Variants in MAGI1 observed in about 807,000 individuals in gnomAD.
MAGI1 encodes the protein membrane associated guanylate kinase, WW and PDZ domain containing 1.
Under a neutral mutation model 139.9 loss-of-function variants are expected in MAGI1, and 58 were observed. That is an observed-to-expected ratio of 0.41 (90% CI 0.34 to 0.52). The LOEUF (loss-of-function observed/expected upper bound fraction) is 0.52, where lower values mean the gene tolerates loss of function less well. MAGI1 is among the 20% of genes least tolerant of loss of function. MAGI1 has a pLI of 0.12. For missense variants in MAGI1, 1,874 were observed against 1,901.6 expected (o/e 0.99, Z 0.27); for synonymous variants, 812 against 737.9 (o/e 1.10, Z -1.63).
chr3:65,575,779 G>A (rs551120417), intron 2 of MAGI1, among the ~76,000 whole-genome samples: 5 of 152,194 alleles, frequency 3.3e-5, no homozygotes, highest in African/African-American at 9.6e-5. Context: ...ATTATGCTAC[G>A]AATGAAGTCA....
intron 1 of MAGI1, among the ~76,000 whole-genome samples, chr3:65,721,385 A>G (rs2033002930): frequency 6.6e-6 from 1 of 152,202 alleles, no homozygotes; most frequent in African/African-American, 2.4e-5. Context: ...ATTTGAGAGT[A>G]AAAGGGGTGC....
chr3:65,399,661 C>T (rs1290833297), intron 13 of MAGI1, among the ~76,000 whole-genome samples: 1 of 152,106 alleles, frequency 6.6e-6, no homozygotes, highest in Non-Finnish European at 1.5e-5. Flanking sequence ...GAATGCAGCC[C>T]AAGTAATTGG....
chr3:65,506,885 A>C (rs1306870369), intron 2 of MAGI1, among the ~76,000 whole-genome samples: 1 of 152,230 alleles, frequency 6.6e-6, no homozygotes, highest in Non-Finnish European at 1.5e-5. Flanking sequence ...CAGATAAAAG[A>C]AAAAAGGAGT....
At chr3:65,771,293 A>T (rs2037935138) in intron 1 of MAGI1, among the ~76,000 whole-genome samples, 1 of 148,794 alleles carries the variant, frequency 6.7e-6, no homozygotes. Context: ...GGTGACAGAC[A>T]GTGAATCTGT....
intron 1 of MAGI1, among the ~76,000 whole-genome samples, chr3:66,014,361 A>G (rs985338925): frequency 2.0e-5 from 3 of 152,214 alleles, no homozygotes; most frequent in African/African-American, 7.2e-5. Flanking sequence ...TAGCTGTGAT[A>G]TAACAATGGG....
chr3:65,961,689 G>C (rs766619650), intron 1 of MAGI1, among the ~76,000 whole-genome samples: 3 of 152,092 alleles, frequency 2.0e-5, no homozygotes, highest in Non-Finnish European at 4.4e-5. Flanking sequence ...CAGAAAACAG[G>C]GTTCCTTGTA....
At position 65,732,303 on chromosome 3, in the gene MAGI1, CAA is replaced by C. The variant is rs540531454; in HGVS notation, c.314-110217_314-110216del. Reference sequence around the variant, plus strand: ...CTCATTTACAAGACATGAAAACTTGCAAAGACTTTGTACACAAACCCACTTCT... The same window carrying C: ...CTCATTTACAAGACATGAAAACTTGCAGACTTTGTACACAAACCCACTTCT... On this transcript the variant is annotated intron_variant, in intron 1 of 22. Transcript: ENST00000402939. 5.2e-3 allele frequency among the ~76,000 whole-genome samples: 786 copies of C among 152,306 alleles called. 1 individual carries two copies. Among genetic ancestry groups the C allele is most frequent in the Non-Finnish European group, 8.0e-3 (541 of 68,032 alleles).
At chr3:65,712,303 C>G (rs1169612969) in intron 1 of MAGI1, among the ~76,000 whole-genome samples, 1 of 151,940 alleles carries the variant, frequency 6.6e-6, no homozygotes, top group Non-Finnish European at 1.5e-5. Flanking sequence ...CTGAGCCGCA[C>G]AGGGAGGCCA....
At chr3:65,584,347 T>C (rs1310181010) in intron 2 of MAGI1, among the ~76,000 whole-genome samples, 1 of 152,162 alleles carries the variant, frequency 6.6e-6, no homozygotes, top group Non-Finnish European at 1.5e-5. Flanking sequence ...CTATATCTAT[T>C]GGCCTGGTTT....
intron 5 of MAGI1, among the ~76,000 whole-genome samples, chr3:65,461,487 C>CT (rs537543064): frequency 0.51 from 51,841 of 101,902 alleles, 14,179 homozygotes; most frequent in East Asian, 0.91. Flanking sequence ...TGTTTCTTGA[C>CT]TTTTTTTTTT....
intron 1 of MAGI1, among the ~76,000 whole-genome samples, chr3:65,928,290 T>C (rs867556807): frequency 2.4e-4 from 36 of 152,152 alleles, no homozygotes; most frequent in Admixed American, 2.0e-4. Context: ...ACAAAGGAAA[T>C]TGGCAAACAC....
At chr3:65,867,806 A>G (rs555598406) in intron 1 of MAGI1, among the ~76,000 whole-genome samples, 6 of 152,152 alleles carry the variant, frequency 3.9e-5, no homozygotes, top group Non-Finnish European at 7.4e-5. Flanking sequence ...GCACAGTAAG[A>G]CAGCTCCACA....
chr3:65,509,788 G>C (rs899788699), intron 2 of MAGI1, among the ~76,000 whole-genome samples: 9 of 152,024 alleles, frequency 5.9e-5, no homozygotes, highest in African/African-American at 2.2e-4. Flanking sequence ...AGCTCGAACT[G>C]GGTGGAGCCC....
At chr3:65,724,110 A>C (rs571959166) in intron 1 of MAGI1, among the ~76,000 whole-genome samples, 1 of 152,382 alleles carries the variant, frequency 6.6e-6, no homozygotes, top group African/African-American at 2.4e-5. Flanking sequence ...TAAAAAAGGC[A>C]ACACATGTCC....
chr3:65,873,614 T>G (rs2060011821), intron 1 of MAGI1: 1 of 152,180 alleles, frequency 6.6e-6, no homozygotes, highest in South Asian at 2.1e-4. Flanking sequence ...TATTACATTA[T>G]TACACTTTGT....
At chr3:65,653,185 A>G (rs2085680571) in intron 1 of MAGI1, among the ~76,000 whole-genome samples, 1 of 152,088 alleles carries the variant, frequency 6.6e-6, no homozygotes, top group Non-Finnish European at 1.5e-5. Flanking sequence ...GACTCCCTCC[A>G]TCTTCCATAT....
At chr3:65,968,466 T>C (rs971948517) in intron 1 of MAGI1, among the ~76,000 whole-genome samples, 3 of 152,050 alleles carry the variant, frequency 2.0e-5, no homozygotes, top group African/African-American at 7.2e-5. Context: ...TCCATCTTGG[T>C]GCTGATGGAA....
intron 2 of MAGI1, among the ~76,000 whole-genome samples, chr3:65,512,814 G>C (rs1321816755): frequency 6.6e-6 from 1 of 151,184 alleles, no homozygotes; most frequent in African/African-American, 2.4e-5. Context: ...TATGAGGCCA[G>C]CATCATTCTG....
chr3:65,721,715 C>A (rs1017980541), intron 1 of MAGI1, among the ~76,000 whole-genome samples: 5 of 152,102 alleles, frequency 3.3e-5, no homozygotes, highest in Non-Finnish European at 7.4e-5. Flanking sequence ...AAATACTACT[C>A]CTCTTATTTA....
Sources: gnomAD v4.1 joint callset for allele counts (sites outside exome capture counted in the v4.1 genomes callset) on GRCh38, gnomAD v4.1.1 for gene constraint, MANE v1.5 for transcripts, NCBI Gene and HGNC (gene_info 2026-07-23, HGNC 2026-07-21) for gene names.